SUGCT: variants seen among roughly 807,000 people sequenced by gnomAD.
SUGCT encodes the protein succinyl-CoA:glutarate-CoA transferase.
A neutral mutation model predicts 55.0 loss-of-function variants in SUGCT; 41 were observed. The ratio of observed to expected loss-of-function variants is 0.74; its 90% confidence interval spans 0.58 to 0.97. The LOEUF is 0.97. SUGCT is among the 50% of genes least tolerant of loss of function. SUGCT has a pLI of 0.00. For missense variants in SUGCT, 568 were observed against 547.8 expected (o/e 1.04, Z -0.37); for synonymous variants, 187 against 200.4 (o/e 0.93, Z 0.56).
chr7:40,514,064 A>G (rs780138642), intron 12 of SUGCT, among the ~76,000 whole-genome samples: 1 of 151,978 alleles, frequency 6.6e-6, no homozygotes, highest in Non-Finnish European at 1.5e-5. Context: ...TGCTGGGATT[A>G]CAGGTGTGAG....
intron 1 of SUGCT, among the ~76,000 whole-genome samples, chr7:40,158,157 G>A (rs922815623): frequency 2.6e-5 from 4 of 151,550 alleles, no homozygotes; most frequent in African/African-American, 7.3e-5. Context: ...AGCCGAGAGC[G>A]TACCACTGCA....
intron 9 of SUGCT, among the ~76,000 whole-genome samples, chr7:40,367,295 T>C (rs898059173): frequency 6.6e-5 from 10 of 150,778 alleles, no homozygotes; most frequent in Non-Finnish European, 1.3e-4. Flanking sequence ...AGGAATAGCA[T>C]TAGGAGATAT....
At chr7:41,005,825 C>A in the SUGCT span, among the ~76,000 whole-genome samples, 4 of 152,168 alleles carry the variant, frequency 2.6e-5, no homozygotes, top group Admixed American at 2.6e-4. Flanking sequence ...GACTTCTAAG[C>A]CAGTTTCCCC....
At chr7:40,440,599 A>G (rs1473564333) in intron 9 of SUGCT, among the ~76,000 whole-genome samples, 1 of 152,132 alleles carries the variant, frequency 6.6e-6, no homozygotes, top group African/African-American at 2.4e-5. Flanking sequence ...TTCAACTCTC[A>G]ACCATGATAT....
At chr7:40,947,539 T>A in the SUGCT span, among the ~76,000 whole-genome samples, 3 of 151,988 alleles carry the variant, frequency 2.0e-5, no homozygotes, top group Non-Finnish European at 4.4e-5. Flanking sequence ...TGTCTAAGAA[T>A]TTTTCTGTTG....
Position 40,260,121 on chromosome 7 carries a change from A to G in SUGCT, c.577-14392A>G, listed in dbSNP as rs1309515677. ...CTTGCAAAATGCCAATAGTGCTTCC[A>G]TTGAGAGCACTACTAGGTGTGCAGG... On this transcript the variant is annotated intron_variant, in intron 7 of 13. Transcript: ENST00000335693. Among the ~76,000 whole-genome samples the G allele has an allele frequency of 2.6e-5, 4 of 152,302 alleles. No individual in the cohort carries two copies. The East Asian group carries it at 7.7e-4, about 29-fold the overall frequency.
the SUGCT span, among the ~76,000 whole-genome samples, chr7:40,999,695 G>A: frequency 9.7e-3 from 1,482 of 152,136 alleles, 17 homozygotes; most frequent in African/African-American, 0.031. Context: ...TCTAAAGTCC[G>A]CTACCCGAAA....
At chr7:40,779,560 C>A (rs574758834) in intron 13 of SUGCT, among the ~76,000 whole-genome samples, 1 of 152,110 alleles carries the variant, frequency 6.6e-6, no homozygotes, top group Non-Finnish European at 1.5e-5. Flanking sequence ...AGTCTTACAG[C>A]AAAAGTAGTC....
chr7:40,868,203 C>T, the SUGCT span, among the ~76,000 whole-genome samples: 1 of 151,988 alleles, frequency 6.6e-6, no homozygotes, highest in Non-Finnish European at 1.5e-5. Context: ...TTCTAAAAAA[C>T]AAAACAAAAA....
the SUGCT span, among the ~76,000 whole-genome samples, chr7:40,893,633 TA>T: frequency 6.6e-6 from 1 of 152,060 alleles, no homozygotes; most frequent in South Asian, 2.1e-4. Flanking sequence ...AAAGAATTTT[TA>T]AAAAAATATT....
rs192046942 is a variant in SUGCT, at chr7:40,201,427, T to G, written c.484+6367T>G. Among the ~76,000 whole-genome samples, 3 of 152,328 alleles carry G rather than the reference T, an allele frequency of 2.0e-5. No individual in the cohort carries two copies. In the East Asian group the frequency reaches 5.8e-4, roughly 29 times the overall value. On this transcript the variant is annotated intron_variant, in intron 6 of 13. Transcript: ENST00000335693. ...TAGATGATATTAAAGGGAACCCTCA[T>G]AGTCAAAACAATTGAAAACTACTGG... is the stretch of plus-strand genomic sequence containing the variant.
chr7:40,249,347 A>AG (rs1340853643), intron 7 of SUGCT, among the ~76,000 whole-genome samples: 14 of 121,540 alleles, frequency 1.2e-4, no homozygotes, highest in African/African-American at 4.1e-4. Flanking sequence ...ATATATATAT[A>AG]ATTATATTAT....
intron 9 of SUGCT, among the ~76,000 whole-genome samples, chr7:40,371,776 C>T (rs528712112): frequency 1.8e-4 from 28 of 151,902 alleles, no homozygotes; most frequent in South Asian, 6.2e-4. Context: ...TTCTGATCTT[C>T]GAAAAGATTA....
At position 40,181,976 on chromosome 7, in the gene SUGCT, T is replaced by C. The variant is rs764713410; in HGVS notation, c.174T>C (p.Ala58=). ...GTAGAGTCCTGGCGGGACCTTTTGCTACTATGAATTTAGGAGATCTTGGAG... is the reference window on the plus strand; with the variant it reads ...GTAGAGTCCTGGCGGGACCTTTTGCCACTATGAATTTAGGAGATCTTGGAG... ...DLTRVLAGPF[A]TMNLGDLGAE... The change falls in exon 3 of 14, where the codon GCT becomes GCC. Residue 58 remains alanine, a synonymous_variant. Transcript: ENST00000335693. 1.3e-6 allele frequency: 2 copies of C among 1,599,374 alleles called. No individual in the cohort carries two copies. The highest frequency in any genetic ancestry group is 1.7e-5 in the Admixed American group (1 of 59,102).
chr7:40,693,136 A>G (rs1156791408), intron 12 of SUGCT, among the ~76,000 whole-genome samples: 11 of 151,852 alleles, frequency 7.2e-5, no homozygotes, highest in Admixed American at 3.9e-4. Flanking sequence ...CAATAGACCA[A>G]CTCTTCTCTT....
chr7:40,896,878 C>T, the SUGCT span, among the ~76,000 whole-genome samples: 5 of 152,140 alleles, frequency 3.3e-5, no homozygotes, highest in East Asian at 1.9e-4. Context: ...TATATGAAAC[C>T]GCAAAAGTCC....
At position 40,245,141 on chromosome 7, in the gene SUGCT, G is replaced by A. The variant is rs185086630; in HGVS notation, c.576+7415G>A. Among the ~76,000 whole-genome samples the A allele has an allele frequency of 4.0e-3, 600 of 150,506 alleles. 5 individuals are homozygous for A. The highest frequency in any genetic ancestry group is 0.014 in the African/African-American group (580 of 40,922). On this transcript the variant is annotated intron_variant, in intron 7 of 13. Transcript: ENST00000335693. The stretch of plus-strand genomic sequence containing the variant: ...ATGATCTCGGCTCACTGCAACCTTC[G>A]CCTCCCAGATTCAAGCAATTCTCCT...
intron 6 of SUGCT, among the ~76,000 whole-genome samples, chr7:40,203,063 G>A (rs1017651925): frequency 6.6e-6 from 1 of 152,172 alleles, no homozygotes. Flanking sequence ...CTTGTATCAA[G>A]GTCTCTGACG....
intron 13 of SUGCT, among the ~76,000 whole-genome samples, chr7:40,838,590 G>A (rs565887685): frequency 3.0e-4 from 45 of 152,000 alleles, no homozygotes; most frequent in African/African-American, 8.9e-4. Flanking sequence ...TGCTTTTTGC[G>A]TCTTTTATCT....
Sources: gnomAD v4.1 joint callset for allele counts (sites outside exome capture counted in the v4.1 genomes callset) on GRCh38, gnomAD v4.1.1 for gene constraint, MANE v1.5 for transcripts, NCBI Gene and HGNC (gene_info 2026-07-23, HGNC 2026-07-21) for gene names.